Variants in XKR6 observed in about 807,000 individuals in gnomAD.
XKR6 encodes XK-related protein 6.
Under a neutral mutation model 56.7 loss-of-function variants are expected in XKR6, and 22 were observed. The ratio of observed to expected loss-of-function variants is 0.39; its 90% CI spans 0.28 to 0.55. The LOEUF (loss-of-function observed/expected upper bound fraction) is 0.55. Among genes scored for constraint, XKR6 ranks in the 20% least tolerant of loss-of-function variants. The pLI, the probability that XKR6 is intolerant of heterozygous loss-of-function variation, is 0.66. For synonymous variants in XKR6, 524 were observed against 387.8 expected (o/e 1.35, Z -4.13); for missense variants, 852 against 889.0 (o/e 0.96, Z 0.53).
intron 1 of XKR6, among the ~76,000 whole-genome samples, chr8:11,022,001 T>A (rs1482616305): frequency 3.3e-5 from 5 of 151,686 alleles, no homozygotes. Context: ...AGCACTGGAC[T>A]GCACACTGCA....
At chr8:10,928,558 C>T (rs938494197) in intron 1 of XKR6, among the ~76,000 whole-genome samples, 11 of 151,786 alleles carry the variant, frequency 7.2e-5, no homozygotes, top group Non-Finnish European at 1.3e-4. Context: ...CAGCCGCCTC[C>T]TGCAGAGTCT....
intron 2 of XKR6, among the ~76,000 whole-genome samples, chr8:10,921,278 T>C (rs766662017): frequency 6.6e-6 from 1 of 152,232 alleles, no homozygotes; most frequent in Non-Finnish European, 1.5e-5. Context: ...GGGACACAGA[T>C]GATCCAGAGG....
At chr8:11,165,902 G>A (rs1438205095) in intron 1 of XKR6, among the ~76,000 whole-genome samples, 2 of 151,478 alleles carry the variant, frequency 1.3e-5, no homozygotes, top group South Asian at 4.2e-4. Context: ...AAAGCCACGT[G>A]CAATGACCAC....
chr8:11,034,257 C>T (rs1056321576), intron 1 of XKR6, among the ~76,000 whole-genome samples: 7 of 152,102 alleles, frequency 4.6e-5, no homozygotes, highest in Admixed American at 4.6e-4. Context: ...TGGAGGATCT[C>T]AAAGATCCAG....
chr8:10,963,012 C>T (rs760396881), intron 1 of XKR6, among the ~76,000 whole-genome samples: 3 of 152,168 alleles, frequency 2.0e-5, no homozygotes, highest in African/African-American at 4.8e-5. Flanking sequence ...GCCTGTCCTT[C>T]GATCATTTCT....
intron 1 of XKR6, among the ~76,000 whole-genome samples, chr8:11,075,789 C>A (rs1221884086): frequency 6.6e-6 from 1 of 152,156 alleles, no homozygotes; most frequent in Non-Finnish European, 1.5e-5. Context: ...AGGAGAATCA[C>A]TTGAACCTGG....
intron 1 of XKR6, among the ~76,000 whole-genome samples, chr8:11,040,742 C>T (rs891440363): frequency 1.3e-5 from 2 of 152,106 alleles, no homozygotes; most frequent in Admixed American, 6.6e-5. Flanking sequence ...CGACTGATCG[C>T]CCCCCAAACC....
rs1402726606 is a variant in XKR6 at position 11,201,581 on chromosome 8, C to T, written c.-242G>A. On this transcript the variant is annotated 5_prime_UTR_variant, in exon 1 of 3. Coordinates refer to ENST00000416569, the MANE Select transcript of XKR6 (RefSeq NM_173683.4). ...CCGCAGCTCCCCAGCCCTACCCTCC[C>T]GGCCAAGATGGCCGCCCTCCTGTGC... Among the ~76,000 whole-genome samples the T allele has an allele frequency of 1.3e-5, 2 of 152,100 alleles. No individual in the cohort carries two copies. Among genetic ancestry groups the T allele is most frequent in the Non-Finnish European group, 2.9e-5 (2 of 67,998 alleles).
At chr8:11,137,635 G>A (rs1478942698) in intron 1 of XKR6, 3 of 456,222 alleles carry the variant, frequency 6.6e-6, no homozygotes, top group South Asian at 3.1e-5. Context: ...GACAATGAAT[G>A]GAAACACCAT....
chr8:11,059,969 G>A (rs889915696), intron 1 of XKR6, among the ~76,000 whole-genome samples: 31 of 152,228 alleles, frequency 2.0e-4, no homozygotes, highest in African/African-American at 7.5e-4. Flanking sequence ...CCCAACTCAG[G>A]GGATTCCCCT....
chr8:11,132,458 G>A (rs773648403), intron 1 of XKR6, among the ~76,000 whole-genome samples: 8 of 151,638 alleles, frequency 5.3e-5, no homozygotes, highest in Non-Finnish European at 8.8e-5. Flanking sequence ...CGCCTCCCAG[G>A]CTCAACCAAT....
chr8:11,157,539 G>A (rs1186110413), intron 1 of XKR6, among the ~76,000 whole-genome samples: 1 of 151,922 alleles, frequency 6.6e-6, no homozygotes, highest in Non-Finnish European at 1.5e-5. Context: ...TTTTAGAGAT[G>A]CAGTCTCTCT....
At chr8:11,023,976 G>T (rs892661982) in intron 1 of XKR6, among the ~76,000 whole-genome samples, 1 of 152,176 alleles carries the variant, frequency 6.6e-6, no homozygotes, top group Non-Finnish European at 1.5e-5. Context: ...CTGCAGATGA[G>T]CTTAGGAAGG....
chr8:11,064,827 AT>A (rs1799935481), intron 1 of XKR6, among the ~76,000 whole-genome samples: 1 of 152,222 alleles, frequency 6.6e-6, no homozygotes, highest in South Asian at 2.1e-4. Context: ...AAGGATACTT[AT>A]TGTCACTGGG....
chr8:10,991,145 C>G (rs1367765456), intron 1 of XKR6, among the ~76,000 whole-genome samples: 3 of 152,104 alleles, frequency 2.0e-5, no homozygotes, highest in African/African-American at 4.8e-5. Context: ...CTCAGGTGAT[C>G]CACCTGTCTC....
At chr8:10,972,431 G>A (rs1802435806) in intron 1 of XKR6, among the ~76,000 whole-genome samples, 1 of 152,192 alleles carries the variant, frequency 6.6e-6, no homozygotes. Context: ...ATGGTCTTGG[G>A]ATGAGTCAGC....
intron 1 of XKR6, among the ~76,000 whole-genome samples, chr8:11,067,659 A>G (rs563548610): frequency 6.6e-6 from 1 of 152,362 alleles, no homozygotes; most frequent in South Asian, 2.1e-4. Flanking sequence ...GAGTTGAGAC[A>G]GGTGGTTGGT....
intron 1 of XKR6, among the ~76,000 whole-genome samples, chr8:11,034,024 G>A (rs1799076203): frequency 6.6e-6 from 1 of 152,202 alleles, no homozygotes; most frequent in South Asian, 2.1e-4. Context: ...AGCATAGCCT[G>A]TTTAGTCAAC....
At chr8:10,902,735 G>T (rs1563278556) in intron 2 of XKR6, among the ~76,000 whole-genome samples, 1 of 152,218 alleles carries the variant, frequency 6.6e-6, no homozygotes, top group African/African-American at 2.4e-5. Flanking sequence ...AGACCAAGAA[G>T]AACACCTCTG....
Sources: allele counts gnomAD v4.1 joint callset (sites outside exome capture counted in the v4.1 genomes callset), GRCh38; gene constraint gnomAD v4.1.1; transcripts MANE v1.5; gene names NCBI Gene and HGNC (gene_info 2026-07-23, HGNC 2026-07-21).